Variants in DHX36 observed in about 807,000 individuals in gnomAD.
DHX36 encodes the protein DEAH-box helicase 36, also known as ATP-dependent DNA/RNA helicase DHX36.
In DHX36, 50 loss-of-function variants were observed where a neutral mutation model predicts 139.0. That is an observed-to-expected ratio of 0.36 (90% CI 0.29 to 0.46). The LOEUF (loss-of-function observed/expected upper bound fraction) is 0.46. DHX36 is among the 20% of genes least tolerant of loss of function. The pLI is 1.00. For synonymous variants in DHX36, 425 were observed against 401.9 expected, an observed-to-expected ratio of 1.06 and a Z score of -0.69; for missense variants, 1,024 against 1,211.3, an observed-to-expected ratio of 0.85 and a Z score of 2.29.
chr3:154,295,400 C>T, intron 12 of DHX36, 61 bp from the exon 13 acceptor site: 1 of 769,692 alleles, frequency 1.3e-6, no homozygotes, highest in Admixed American at 3.0e-5. Flanking sequence ...CCATCAAACA[C>T]ATATGAGACA....
At chr3:154,312,060 A>G (rs1324730855) in intron 3 of DHX36, 1 of 155,796 alleles carries the variant, frequency 6.4e-6, no homozygotes, top group Non-Finnish European at 1.4e-5. Context: ...TTACTAATAC[A>G]TTAAGTACTG....
At chr3:154,315,854 T>C (rs985647247) in intron 2 of DHX36, among the ~76,000 whole-genome samples, 185 bp downstream of exon 2, 1 of 152,116 alleles carries the variant, frequency 6.6e-6, no homozygotes, top group Non-Finnish European at 1.5e-5. Context: ...TTCATACCAT[T>C]TAGCTTTCCT....
chr3:154,292,828 A>T, intron 14 of DHX36, 134 bp from the exon 15 acceptor site: 1 of 1,384,226 alleles, frequency 7.2e-7, no homozygotes, highest in Non-Finnish European at 9.5e-7. Context: ...TTTTTATTAC[A>T]TCAAATGATT....
At chr3:154,312,124 TAAAAC>T (rs1712784138) in intron 3 of DHX36, 1 of 152,404 alleles carries the variant, frequency 6.6e-6, no homozygotes, top group African/African-American at 2.4e-5. Flanking sequence ...AGAGAAAACT[TAAAAC>T]AAGTAATATC....
At chr3:154,277,088 G>A (rs1719172088) in intron 23 of DHX36, among the ~76,000 whole-genome samples, 189 bp from the exon 24 acceptor site, 1 of 152,014 alleles carries the variant, frequency 6.6e-6, no homozygotes, top group African/African-American at 2.4e-5. Flanking sequence ...GAGAACATAG[G>A]TATTTTAATA....
intron 2 of DHX36, among the ~76,000 whole-genome samples, chr3:154,315,551 GTTAC>G (rs1712948475): frequency 6.6e-6 from 1 of 152,008 alleles, no homozygotes; most frequent in South Asian, 2.1e-4. Flanking sequence ...CTTCACTGCG[GTTAC>G]TTACAGTGTT....
chr3:154,290,746 A>G (rs534779733), intron 15 of DHX36, among the ~76,000 whole-genome samples: 1 of 152,184 alleles, frequency 6.6e-6, no homozygotes, highest in South Asian at 2.1e-4. Flanking sequence ...AATGAATTCT[A>G]AAAATCTTAG....
At position 154,275,947 on chromosome 3, in the gene DHX36, G is replaced by A. The variant is rs77982843; in HGVS notation, c.*224C>T. 7.7e-3 allele frequency: 2,362 copies of A among 305,212 alleles called. 47 individuals are homozygous for A. The highest frequency in any genetic ancestry group is 0.047 in the African/African-American group (2,166 of 45,776). The allele number at this position is 305,212 out of a possible 1,614,324, so 18.9% of individuals were successfully genotyped here. A position where few individuals can be genotyped will look rare whatever the true frequency, so the allele number is the denominator to read the frequency against. On this transcript the variant is annotated 3_prime_UTR_variant, in exon 25 of 25. Transcript: ENST00000496811. ...AAAGAGTGGGCATGACCACAGCAGAGTATATGATCAGAGAACATATTGCTT... is the reference window on the plus strand; with the variant it reads ...AAAGAGTGGGCATGACCACAGCAGAATATATGATCAGAGAACATATTGCTT...
chr3:154,303,742 A>C (rs1406809760), intron 8 of DHX36, among the ~76,000 whole-genome samples: 5 of 152,228 alleles, frequency 3.3e-5, no homozygotes, highest in Non-Finnish European at 7.4e-5. Context: ...AGATGGTGCC[A>C]TAATAGAATA....
intron 12 of DHX36, among the ~76,000 whole-genome samples, chr3:154,296,297 A>G (rs1160981973): frequency 6.6e-6 from 1 of 151,952 alleles, no homozygotes; most frequent in Admixed American, 6.5e-5. Flanking sequence ...ACACGGTGAA[A>G]CCCCGTCTAT....
chr3:154,290,759 A>G (rs1409446559), intron 15 of DHX36, among the ~76,000 whole-genome samples: 1 of 151,914 alleles, frequency 6.6e-6, no homozygotes, highest in Non-Finnish European at 1.5e-5. Context: ...AATCTTAGTT[A>G]TTTTTTCCAT....
chr3:154,316,086 A>T lies in DHX36; in HGVS notation c.321T>A (p.Asp107Glu). The T allele has an allele frequency of 1.2e-6, 2 of 1,613,302 alleles. No individual in the cohort carries two copies. Among genetic ancestry groups the T allele is most frequent in the South Asian group, 1.1e-5 (1 of 91,034 alleles). ...QLLNSVQAKN[D>E]KESEAQISWF... ...AGGATATCTGTGCTTCTGACTCTTT[A>T]TCATTCTTCGCTTGAACAGAATTCA... is the stretch of plus-strand genomic sequence containing the variant. The change falls in exon 2 of 25, where the codon GAT becomes GAA. Residue 107 changes from aspartate to glutamate, a missense_variant. Coordinates refer to ENST00000496811, the MANE Select transcript of DHX36 (RefSeq NM_020865.3).
intron 2 of DHX36, 71 bp from the exon 3 acceptor site, chr3:154,315,351 A>AACAAT (rs2108365462): frequency 9.6e-7 from 1 of 1,037,936 alleles, no homozygotes; most frequent in Non-Finnish European, 1.4e-6. Flanking sequence ...AACAAAACAA[A>AACAAT]ACAATACGCT....
chr3:154,289,039 G>A, intron 16 of DHX36, 75 bp from the exon 17 acceptor site: 4 of 606,884 alleles, frequency 6.6e-6, no homozygotes, highest in Non-Finnish European at 1.0e-5. Flanking sequence ...TCCTACCTGG[G>A]CTGATGACTC....
At chr3:154,285,416 A>T (rs1405420044) in intron 17 of DHX36, among the ~76,000 whole-genome samples, 2 of 152,216 alleles carry the variant, frequency 1.3e-5, no homozygotes, top group East Asian at 3.8e-4. Flanking sequence ...CTAAAACCAC[A>T]GAAAATGGGA....
At position 154,285,044 on chromosome 3, in the gene DHX36, G is replaced by A. The variant is rs986380810; in HGVS notation, c.2032-57C>T. 12 of 1,553,286 alleles carry A rather than the reference G, an allele frequency of 7.7e-6. No individual in the cohort carries two copies. The East Asian group carries it at 9.0e-5, about 12-fold the overall frequency. On this transcript the variant is annotated intron_variant, in intron 17 of 24. Transcript: ENST00000496811. ...TCCTGTAAAGCATTACATTTAAAAC[G>A]ATTTTAGCTTGCTTTAAAAAGAGTA...
At chr3:154,293,350 T>A (rs983750678) in intron 14 of DHX36, among the ~76,000 whole-genome samples, 1 of 152,074 alleles carries the variant, frequency 6.6e-6, no homozygotes, top group Non-Finnish European at 1.5e-5. Context: ...GAGGTTGAGG[T>A]AATAGGATCA....
At chr3:154,313,124 A>G (rs1009403877) in intron 3 of DHX36, among the ~76,000 whole-genome samples, 12 of 151,812 alleles carry the variant, frequency 7.9e-5, no homozygotes, top group African/African-American at 1.5e-4. Context: ...TTTTAATGAC[A>G]TAAGTATTAA....
intron 5 of DHX36, among the ~76,000 whole-genome samples, chr3:154,306,957 G>T (rs574930902): frequency 1.8e-3 from 267 of 151,862 alleles, no homozygotes; most frequent in Non-Finnish European, 3.2e-3. Flanking sequence ...TCCAACAGAT[G>T]GTGGAAAAAA....
Sources: gnomAD v4.1 joint callset for allele counts (sites outside exome capture counted in the v4.1 genomes callset) on GRCh38, gnomAD v4.1.1 for gene constraint, MANE v1.5 for transcripts, NCBI Gene and HGNC (gene_info 2026-07-23, HGNC 2026-07-21) for gene names.